Variants in ZDHHC2 observed in about 807,000 individuals in gnomAD.
ZDHHC2 encodes zDHHC palmitoyltransferase 2.
In ZDHHC2, 51 loss-of-function variants were observed where a neutral mutation model predicts 55.6. The ratio of observed to expected loss-of-function variants is 0.92; its 90% CI spans 0.73 to 1.16. ZDHHC2 has a LOEUF of 1.16. Among genes scored for constraint, ZDHHC2 ranks in the 50% most tolerant of loss-of-function variants. ZDHHC2 has a pLI of 0.00. For missense variants in ZDHHC2, 491 were observed against 442.4 expected, an observed-to-expected ratio of 1.11 and a Z score of -0.99; for synonymous variants, 199 against 152.9, an observed-to-expected ratio of 1.30 and a Z score of -2.22.
intron 1 of ZDHHC2, among the ~76,000 whole-genome samples, chr8:17,180,708 A>G (rs1376728066): frequency 6.6e-6 from 1 of 152,218 alleles, no homozygotes; most frequent in Non-Finnish European, 1.5e-5. Context: ...GTAGTGGAAT[A>G]AGTGGGATAG....
intron 1 of ZDHHC2, among the ~76,000 whole-genome samples, chr8:17,179,712 G>A (rs1805336117): frequency 6.6e-6 from 1 of 152,220 alleles, no homozygotes; most frequent in Non-Finnish European, 1.5e-5. Flanking sequence ...AGCCCAAAAT[G>A]TGATTCCTGA....
chr8:17,190,614 A>G (rs1805974894), intron 3 of ZDHHC2, among the ~76,000 whole-genome samples: 1 of 152,170 alleles, frequency 6.6e-6, no homozygotes, highest in Admixed American at 6.5e-5. Context: ...CAACCGCACT[A>G]AATTATATTT....
At chr8:17,201,657 G>C (rs1563163346) in intron 6 of ZDHHC2, among the ~76,000 whole-genome samples, 2 of 54,600 alleles carry the variant, frequency 3.7e-5, no homozygotes, top group African/African-American at 7.1e-5. Flanking sequence ...TACGCCTCAC[G>C]GTTTTTGGTT....
chr8:17,172,283 T>G (rs1477200544), intron 1 of ZDHHC2, among the ~76,000 whole-genome samples: 2 of 152,208 alleles, frequency 1.3e-5, no homozygotes, highest in African/African-American at 4.8e-5. Flanking sequence ...GCGTTAGCTC[T>G]CTCTTGGCCG....
intron 1 of ZDHHC2, among the ~76,000 whole-genome samples, chr8:17,165,635 A>G (rs1241423520): frequency 2.6e-5 from 4 of 152,204 alleles, no homozygotes; most frequent in African/African-American, 7.2e-5. Flanking sequence ...CTATTGACAG[A>G]TGTTGGAGCT....
At position 17,180,091 on chromosome 8, in the gene ZDHHC2, A is replaced by G. The variant is rs573424787; in HGVS notation, c.131-4698A>G. On this transcript the variant is annotated intron_variant, in intron 1 of 12. Transcript: ENST00000262096. ...TTGGTAAATATTTTAGTGTAATAAT[A>G]GCAATGCTTTTAATTCCCAGGAATA... 2.6e-5 allele frequency among the ~76,000 whole-genome samples: 4 copies of G among 152,372 alleles called. No individual in the cohort carries two copies. The South Asian group carries it at 8.3e-4, about 32-fold the overall frequency.
intron 4 of ZDHHC2, 114 bp downstream of exon 4, chr8:17,195,738 T>G: frequency 7.2e-7 from 1 of 1,382,390 alleles, no homozygotes; most frequent in Non-Finnish European, 9.9e-7. Context: ...CAGAATGCTG[T>G]GTTATTTCTT....
At chr8:17,185,741 A>T (rs1435097309) in intron 2 of ZDHHC2, among the ~76,000 whole-genome samples, 2 of 152,218 alleles carry the variant, frequency 1.3e-5, no homozygotes, top group Non-Finnish European at 2.9e-5. Context: ...GTTTATATGC[A>T]TTACTGAAAA....
rs1163556206 is a variant in ZDHHC2, at chr8:17,222,698, A to T, written c.*2477A>T. The T allele has an allele frequency of 6.6e-6, 1 of 151,820 alleles. No homozygotes were observed. Among genetic ancestry groups the T allele is most frequent in the East Asian group, 1.9e-4 (1 of 5,184 alleles). The allele number at this position is 151,820 out of a possible 1,614,324, so 9.4% of individuals were successfully genotyped here. A position where few individuals can be genotyped will look rare whatever the true frequency, so the allele number is the denominator to read the frequency against. On this transcript the variant is annotated 3_prime_UTR_variant, in exon 13 of 13. Transcript: ENST00000262096. ...GCATTCAATGAAGTTCATATCCATG[A>T]ATTCACTCCTAATATACCCTAATAA... is the stretch of plus-strand genomic sequence containing the variant.
chr8:17,210,109 C>A, intron 9 of ZDHHC2, 51 bp downstream of exon 9: 1 of 1,534,360 alleles, frequency 6.5e-7, no homozygotes. Flanking sequence ...AATAATACAG[C>A]AAAAGATAGT....
intron 2 of ZDHHC2, among the ~76,000 whole-genome samples, 170 bp downstream of exon 2, chr8:17,184,985 T>G: frequency 6.6e-6 from 1 of 152,210 alleles, no homozygotes; most frequent in East Asian, 1.9e-4. Context: ...TGTCAGACCC[T>G]TGGCAAAGAA....
chr8:17,198,278 A>G, intron 5 of ZDHHC2, 103 bp from the exon 6 acceptor site: 4 of 1,100,836 alleles, frequency 3.6e-6, no homozygotes, highest in Non-Finnish European at 4.9e-6. Flanking sequence ...GCAATATTTT[A>G]CTTGCCGCAG....
intron 8 of ZDHHC2, among the ~76,000 whole-genome samples, chr8:17,208,772 A>G (rs1274968563): frequency 6.6e-6 from 1 of 152,220 alleles, no homozygotes; most frequent in African/African-American, 2.4e-5. Context: ...ATTTCAAATT[A>G]TGTGTTAGGC....
intron 1 of ZDHHC2, among the ~76,000 whole-genome samples, chr8:17,181,986 T>C (rs1441995925): frequency 6.6e-6 from 1 of 152,202 alleles, no homozygotes. Flanking sequence ...ACTTGACAAC[T>C]CTGCCATTAA....
intron 4 of ZDHHC2, among the ~76,000 whole-genome samples, chr8:17,197,179 A>G (rs778153852): frequency 6.6e-6 from 1 of 152,200 alleles, no homozygotes; most frequent in African/African-American, 2.4e-5. Context: ...AAAAGGTGCA[A>G]AAACCTGGTG....
chr8:17,187,472 T>C (rs76086958), intron 3 of ZDHHC2, among the ~76,000 whole-genome samples: 62 of 152,268 alleles, frequency 4.1e-4, no homozygotes, highest in African/African-American at 1.4e-3. Context: ...AATGCAACTT[T>C]GGTCAAAAAA....
At chr8:17,157,607 A>T (rs1003768603) in intron 1 of ZDHHC2, 3 of 152,330 alleles carry the variant, frequency 2.0e-5, no homozygotes, top group Non-Finnish European at 2.9e-5. Flanking sequence ...GAAGATTAAA[A>T]TTTTTTAAAA....
chr8:17,199,196 A>T (rs950143217), intron 6 of ZDHHC2, among the ~76,000 whole-genome samples: 1 of 152,194 alleles, frequency 6.6e-6, no homozygotes, highest in Non-Finnish European at 1.5e-5. Flanking sequence ...TCTTAGCAGC[A>T]GGAAAGATTC....
chr8:17,202,754 C>A (rs1313629092), intron 6 of ZDHHC2, among the ~76,000 whole-genome samples: 3 of 150,678 alleles, frequency 2.0e-5, no homozygotes, highest in Admixed American at 1.3e-4. Context: ...CACACACACA[C>A]ATATACATGC....
Sources: gnomAD v4.1 joint callset for allele counts (sites outside exome capture counted in the v4.1 genomes callset) on GRCh38, gnomAD v4.1.1 for gene constraint, MANE v1.5 for transcripts, NCBI Gene and HGNC (gene_info 2026-07-23, HGNC 2026-07-21) for gene names.